ARHGAP44: variants seen among roughly 807,000 people sequenced by gnomAD.
ARHGAP44 encodes rho GTPase-activating protein 44.
Under a neutral mutation model 106.8 loss-of-function variants are expected in ARHGAP44, and 43 were observed. The observed-to-expected ratio is 0.40, with a 90% CI of 0.32 to 0.52. ARHGAP44 has a LOEUF of 0.52. Among genes scored for constraint, ARHGAP44 ranks in the 20% least tolerant of loss-of-function variants. The probability of loss-of-function intolerance (pLI) is 0.48; values close to 1 mark genes in which losing one functional copy is unlikely to be tolerated. For missense variants in ARHGAP44, 866 were observed against 1,050.5 expected, an observed-to-expected ratio of 0.82 and a Z score of 2.43; for synonymous variants, 439 against 410.3, an observed-to-expected ratio of 1.07 and a Z score of -0.85.
chr17:12,898,496 A>C (rs893713593), intron 3 of ARHGAP44, among the ~76,000 whole-genome samples: 1 of 152,170 alleles, frequency 6.6e-6, no homozygotes, highest in African/African-American at 2.4e-5. Flanking sequence ...ACTTGAGAAA[A>C]AGGCACTTAA....
intron 3 of ARHGAP44, among the ~76,000 whole-genome samples, chr17:12,902,530 G>A (rs776337374): frequency 2.0e-5 from 3 of 152,190 alleles, no homozygotes; most frequent in Non-Finnish European, 2.9e-5. Flanking sequence ...CATAAGCTCC[G>A]TTCTCCGTGC....
intron 1 of ARHGAP44, among the ~76,000 whole-genome samples, chr17:12,863,081 A>G (rs1437620746): frequency 6.6e-6 from 1 of 152,192 alleles, no homozygotes; most frequent in Middle Eastern, 3.4e-3. Context: ...TGGGCCCAGG[A>G]GTTTGAGACC....
chr17:12,828,845 G>A (rs574488552), intron 1 of ARHGAP44, among the ~76,000 whole-genome samples: 20 of 151,908 alleles, frequency 1.3e-4, no homozygotes, highest in Admixed American at 2.6e-4. Flanking sequence ...GTTTCACTGT[G>A]TTAGCCAGGA....
At chr17:12,976,846 G>A (rs1413195299) in intron 18 of ARHGAP44, among the ~76,000 whole-genome samples, 1 of 152,144 alleles carries the variant, frequency 6.6e-6, no homozygotes, top group Non-Finnish European at 1.5e-5. Context: ...AGCAGAGTCT[G>A]AGAGTGGTGG....
At position 12,857,441 on chromosome 17, in the gene ARHGAP44, G is replaced by A. The variant is rs1264626655; in HGVS notation, c.54-37499G>A. Among the ~76,000 whole-genome samples, 4 of 152,234 alleles carry A rather than the reference G, an allele frequency of 2.6e-5. No individual in the cohort carries two copies. The East Asian group carries it at 5.8e-4, about 22-fold the overall frequency. ...GTTACATGCAAGAGAGCAAGAGTGT[G>A]CATGTCAGCTCAAGACACTCTTCCT... On this transcript the variant is annotated intron_variant, in intron 1 of 20. Transcript: ENST00000379672.
chr17:12,961,963 C>T (rs1229541940), intron 16 of ARHGAP44, among the ~76,000 whole-genome samples: 1 of 152,002 alleles, frequency 6.6e-6, no homozygotes, highest in Non-Finnish European at 1.5e-5. Context: ...TCTATATTGG[C>T]CCCATTTCTG....
Position 12,958,197 on chromosome 17 carries a change from A to AC in ARHGAP44, c.1343-520_1343-519insC, listed in dbSNP as rs1355120123. 6.6e-6 allele frequency among the ~76,000 whole-genome samples: 1 copy of AC among 152,252 alleles called. No homozygotes were observed. The highest frequency in any genetic ancestry group is 1.5e-5 in the Non-Finnish European group (1 of 68,048). ...TATATCTCTTTGACAGCCAAAAAACAACTTTAATGAAATCTATATTTCTAA... is the reference window on the plus strand; with the variant it reads ...TATATCTCTTTGACAGCCAAAAAACACACTTTAATGAAATCTATATTTCTAA... On this transcript the variant is annotated intron_variant, in intron 15 of 20. Transcript: ENST00000379672. This position sits in a 1 kb window ranked among gnomAD's most constrained non-coding sequence, Gnocchi z 4.1.
intron 1 of ARHGAP44, among the ~76,000 whole-genome samples, chr17:12,861,511 CTTTG>C (rs1267119615): frequency 2.0e-5 from 3 of 151,984 alleles, no homozygotes; most frequent in African/African-American, 7.3e-5. Context: ...AGGCAGCCCA[CTTTG>C]TTTGCCTTGT....
intron 1 of ARHGAP44, among the ~76,000 whole-genome samples, chr17:12,793,433 C>T (rs937559460): frequency 1.3e-5 from 2 of 152,138 alleles, no homozygotes; most frequent in Non-Finnish European, 2.9e-5. Flanking sequence ...CTAGGCCGGG[C>T]GTGGTGGCTC....
intron 1 of ARHGAP44, among the ~76,000 whole-genome samples, chr17:12,839,603 T>A (rs2035335398): frequency 6.6e-6 from 1 of 152,154 alleles, no homozygotes; most frequent in Admixed American, 6.5e-5. Flanking sequence ...ATATTCTGCT[T>A]CAGAGTTTTG....
intron 1 of ARHGAP44, among the ~76,000 whole-genome samples, chr17:12,871,964 C>T (rs1021178063): frequency 6.6e-6 from 1 of 152,122 alleles, no homozygotes; most frequent in African/African-American, 2.4e-5. Flanking sequence ...TTATGAATTA[C>T]CCAGTCTCAG....
intron 1 of ARHGAP44, among the ~76,000 whole-genome samples, chr17:12,862,151 G>A (rs1441983598): frequency 6.6e-6 from 1 of 152,126 alleles, no homozygotes; most frequent in Non-Finnish European, 1.5e-5. Context: ...TGGGACCTTG[G>A]CTGGGTCCCT....
intron 1 of ARHGAP44, among the ~76,000 whole-genome samples, chr17:12,873,655 T>G (rs2036465441): frequency 6.6e-6 from 1 of 152,160 alleles, no homozygotes; most frequent in Non-Finnish European, 1.5e-5. Flanking sequence ...CCCAGCACTT[T>G]GGGAGGCCAA....
intron 1 of ARHGAP44, among the ~76,000 whole-genome samples, chr17:12,811,604 A>G (rs2034443743): frequency 6.6e-6 from 1 of 152,168 alleles, no homozygotes. Flanking sequence ...CCAACTGTAT[A>G]TACGTCTGAA....
chr17:12,875,341 C>G (rs2046908012), intron 1 of ARHGAP44, among the ~76,000 whole-genome samples: 1 of 152,102 alleles, frequency 6.6e-6, no homozygotes, highest in South Asian at 2.1e-4. Flanking sequence ...GCTTATGAAC[C>G]CCAGGACTTT....
intron 1 of ARHGAP44, among the ~76,000 whole-genome samples, chr17:12,839,714 T>C (rs2035338586): frequency 6.6e-6 from 1 of 152,198 alleles, no homozygotes; most frequent in South Asian, 2.1e-4. Context: ...ATGTGAAGAA[T>C]TCAGTACTTT....
chr17:12,870,048 C>CTTTTT lies in ARHGAP44; in HGVS notation c.54-24878_54-24874dup, dbSNP rs3074688. ...ATTATTTCTTGTCAACAAATACCGTCTTTTTTTTTTTTTTTTTTGAGATAG... is the reference window on the plus strand; with the variant it reads ...ATTATTTCTTGTCAACAAATACCGTCTTTTTTTTTTTTTTTTTTTTTTTGAGATAG... On this transcript the variant is annotated intron_variant, in intron 1 of 20. Transcript: ENST00000379672. Among the ~76,000 whole-genome samples, 263 of 113,066 alleles carry CTTTTT rather than the reference C, an allele frequency of 2.3e-3. 10 individuals are homozygous for CTTTTT. Among genetic ancestry groups the CTTTTT allele is most frequent in the African/African-American group, 4.7e-3 (140 of 29,866 alleles). 74.2% of individuals were successfully genotyped at this position (113,066 alleles called of 152,430 possible). A position where few individuals can be genotyped will look rare whatever the true frequency, so the allele number is the denominator to read the frequency against.
chr17:12,911,467 G>A (rs1251615142), intron 4 of ARHGAP44, among the ~76,000 whole-genome samples: 1 of 152,178 alleles, frequency 6.6e-6, no homozygotes, highest in Non-Finnish European at 1.5e-5. Context: ...CAAGCCAGAA[G>A]TAGATATGCA....
chr17:12,813,835 C>T (rs1567627309), intron 1 of ARHGAP44, among the ~76,000 whole-genome samples: 1 of 152,110 alleles, frequency 6.6e-6, no homozygotes, highest in African/African-American at 2.4e-5. Flanking sequence ...TATTCCCAGG[C>T]TGCTGCAGGC....
Sources: gnomAD v4.1 joint callset for allele counts (sites outside exome capture counted in the v4.1 genomes callset) on GRCh38, gnomAD v4.1.1 for gene constraint, Gnocchi (gnomAD v3.1) non-coding constraint, MANE v1.5 for transcripts, NCBI Gene and HGNC (gene_info 2026-07-23, HGNC 2026-07-21) for gene names.